The following NRP1 variants were observed in gnomAD, a reference collection of about 807,000 sequenced individuals.
The protein encoded by NRP1 is neuropilin 1.
NRP1 carries 35 observed loss-of-function variants against 106.7 expected under a neutral mutation model. The ratio of observed to expected loss-of-function variants is 0.33; its 90% confidence interval spans 0.25 to 0.43. NRP1 has a LOEUF of 0.43. Ranked by LOEUF, NRP1 falls within the 20% of genes least tolerant of loss-of-function variation. The pLI, the probability that NRP1 is intolerant of heterozygous loss-of-function variation, is 1.00. For missense variants in NRP1, 1,024 were observed against 1,170.4 expected, an observed-to-expected ratio of 0.87 and a Z score of 1.83; for synonymous variants, 437 against 417.9, an observed-to-expected ratio of 1.05 and a Z score of -0.56.
intron 6 of NRP1, among the ~76,000 whole-genome samples, chr10:33,239,148 A>G (rs1409656847): frequency 6.6e-6 from 1 of 151,924 alleles, no homozygotes; most frequent in African/African-American, 2.4e-5. Flanking sequence ...AAAATTAGCC[A>G]GGTGTAGTGG....
chr10:33,292,291 G>A (rs760087811), intron 2 of NRP1, among the ~76,000 whole-genome samples: 1 of 151,668 alleles, frequency 6.6e-6, no homozygotes, highest in South Asian at 2.1e-4. Context: ...CACTTGTATC[G>A]ATTAAGAATG....
chr10:33,212,676 A>ATTT (rs58249106), intron 9 of NRP1: 1,616 of 150,240 alleles, frequency 0.011, 11 homozygotes, highest in Non-Finnish European at 0.018. Flanking sequence ...ATCACAATTA[A>ATTT]TTTTTTTTTT....
At chr10:33,239,321 A>C (rs893727853) in intron 6 of NRP1, among the ~76,000 whole-genome samples, 4 of 152,046 alleles carry the variant, frequency 2.6e-5, no homozygotes, top group Non-Finnish European at 5.9e-5. Flanking sequence ...TTCACTTCAG[A>C]TTCACCTATT....
chr10:33,243,124 A>T (rs920719790), intron 6 of NRP1, among the ~76,000 whole-genome samples: 1 of 152,166 alleles, frequency 6.6e-6, no homozygotes, highest in African/African-American at 2.4e-5. Context: ...TTCTTACAAG[A>T]TAGCACAAAA....
rs529247709 is a variant in NRP1, at chr10:33,262,635, G to A, written c.658+1011C>T. On this transcript the variant is annotated intron_variant, in intron 4 of 16. Coordinates refer to ENST00000374867, the MANE Select transcript of NRP1 (RefSeq NM_003873.7). ...GAAGAATTGCTTGAACCTGGGAGGC[G>A]GAGGTTGCAGTGAGCCGAGATTGCT... Among the ~76,000 whole-genome samples, 120 of 150,448 alleles carry A rather than the reference G, an allele frequency of 8.0e-4. 1 individual carries two copies. The highest frequency in any genetic ancestry group is 2.7e-3 in the African/African-American group (112 of 40,878).
chr10:33,286,988 A>G (rs1844614145), intron 2 of NRP1, among the ~76,000 whole-genome samples: 1 of 152,208 alleles, frequency 6.6e-6, no homozygotes, highest in Non-Finnish European at 1.5e-5. Flanking sequence ...CATTTTCACT[A>G]ATTAAACACA....
At chr10:33,308,833 A>G (rs1846361803) in intron 2 of NRP1, among the ~76,000 whole-genome samples, 1 of 152,176 alleles carries the variant, frequency 6.6e-6, no homozygotes, top group South Asian at 2.1e-4. Flanking sequence ...AAAGAAAATA[A>G]GCAGAAAGAA....
intron 6 of NRP1, among the ~76,000 whole-genome samples, chr10:33,232,885 T>C (rs1260540649): frequency 1.3e-5 from 2 of 152,022 alleles, no homozygotes; most frequent in Non-Finnish European, 2.9e-5. Context: ...TGACCTCAAG[T>C]GATCTGCCCG....
At chr10:33,230,806 A>T (rs758086482) in intron 6 of NRP1, among the ~76,000 whole-genome samples, 1 of 152,204 alleles carries the variant, frequency 6.6e-6, no homozygotes, top group African/African-American at 2.4e-5. Context: ...GCTTCTGTGC[A>T]TGTAAAATTT....
intron 3 of NRP1, among the ~76,000 whole-genome samples, chr10:33,270,382 A>G (rs978484705): frequency 2.0e-5 from 3 of 149,926 alleles, no homozygotes; most frequent in African/African-American, 7.4e-5. Flanking sequence ...GCCAGAGTGC[A>G]ATGGCCTGTG....
In NRP1 at chr10:33,319,651, A is replaced by G. The variant is rs563920119; in HGVS notation, c.248+11057T>C. On this transcript the variant is annotated intron_variant, in intron 2 of 16. Coordinates refer to ENST00000374867, the MANE Select transcript of NRP1 (RefSeq NM_003873.7). ...GCCCAGGCTGGAGTGCATTGGCACG[A>G]TCTCGGCTTATTGCAAGCTCTGCCT... Among the ~76,000 whole-genome samples the G allele has an allele frequency of 3.1e-4, 43 of 139,616 alleles. 3 individuals are homozygous for G. The South Asian group carries it at 9.6e-3, about 31-fold the overall frequency. The allele number at this position is 139,616 out of a possible 152,430, so 91.6% of individuals were successfully genotyped here.
At chr10:33,294,802 T>A (rs1039601153) in intron 2 of NRP1, among the ~76,000 whole-genome samples, 5 of 152,062 alleles carry the variant, frequency 3.3e-5, no homozygotes, top group African/African-American at 1.2e-4. Context: ...GGCCTTCGTT[T>A]CCTCATCTGC....
At chr10:33,258,442 C>T (rs1188760665) in intron 4 of NRP1, among the ~76,000 whole-genome samples, 1 of 152,178 alleles carries the variant, frequency 6.6e-6, no homozygotes, top group African/African-American at 2.4e-5. Context: ...CCTCCAGGCA[C>T]CACACAGTTT....
intron 3 of NRP1, among the ~76,000 whole-genome samples, chr10:33,268,108 G>C (rs183468281): frequency 1.5e-4 from 23 of 152,232 alleles, no homozygotes; most frequent in African/African-American, 5.1e-4. Flanking sequence ...TCATTAAAGG[G>C]CTTTTGAGGG....
chr10:33,284,219 T>G (rs1361416893), intron 2 of NRP1, among the ~76,000 whole-genome samples: 1 of 152,198 alleles, frequency 6.6e-6, no homozygotes, highest in Non-Finnish European at 1.5e-5. Flanking sequence ...AAAAGGGGAT[T>G]TGTTTTTACT....
chr10:33,219,435 G>C (rs141640655), intron 8 of NRP1, among the ~76,000 whole-genome samples: 23 of 152,292 alleles, frequency 1.5e-4, no homozygotes, highest in African/African-American at 5.3e-4. Flanking sequence ...GGAGACTAGA[G>C]ACATTTTACT....
chr10:33,235,175 T>A (rs546720765), intron 6 of NRP1, among the ~76,000 whole-genome samples: 1 of 152,182 alleles, frequency 6.6e-6, no homozygotes, highest in African/African-American at 2.4e-5. Context: ...TGAACTGGAG[T>A]CCCATCTGGT....
intron 11 of NRP1, among the ~76,000 whole-genome samples, chr10:33,199,503 A>G (rs1208275646): frequency 7.0e-6 from 1 of 142,982 alleles, no homozygotes; most frequent in Admixed American, 7.3e-5. Flanking sequence ...TTGGCCTCCC[A>G]AAGTGCTGGT....
chr10:33,247,027 A>T (rs1183537521), intron 6 of NRP1, among the ~76,000 whole-genome samples: 1 of 152,242 alleles, frequency 6.6e-6, no homozygotes, highest in Non-Finnish European at 1.5e-5. Context: ...GAGAATAAAA[A>T]GATCTGTCCA....
Sources: allele counts gnomAD v4.1 joint callset (sites outside exome capture counted in the v4.1 genomes callset), GRCh38; gene constraint gnomAD v4.1.1; transcripts MANE v1.5; gene names NCBI Gene and HGNC (gene_info 2026-07-23, HGNC 2026-07-21).